Variants in DOCK7 observed in about 807,000 individuals in gnomAD.
The protein encoded by DOCK7 is dedicator of cytokinesis protein 7.
DOCK7 carries 138 observed loss-of-function variants against 271.0 expected under a neutral mutation model. The observed-to-expected ratio is 0.51, with a 90% CI of 0.44 to 0.59. The LOEUF (loss-of-function observed/expected upper bound fraction) is 0.59, where lower values mean the gene tolerates loss of function less well. Among genes scored for constraint, DOCK7 ranks in the 20% least tolerant of loss-of-function variants. The probability of loss-of-function intolerance (pLI) is 0.00; values close to 1 mark genes in which losing one functional copy is unlikely to be tolerated. For synonymous variants in DOCK7, 823 were observed against 876.1 expected (o/e 0.94, Z 1.07); for missense variants, 2,066 against 2,592.4 (o/e 0.80, Z 4.41).
intron 14 of DOCK7, among the ~76,000 whole-genome samples, chr1:62,594,333 T>C (rs1648901370): frequency 6.7e-6 from 1 of 149,408 alleles, no homozygotes; most frequent in East Asian, 1.9e-4. Context: ...CAAATTACTT[T>C]AATTATAATC....
chr1:62,686,157 CTTTTTTTTTTT>C (rs1161312915), intron 1 of DOCK7, among the ~76,000 whole-genome samples: 454 of 4,208 alleles, frequency 0.11, 207 homozygotes, highest in African/African-American at 0.11. Flanking sequence ...CAAGTAATAA[CTTTTTTTTTTT>C]TTTTTTTTTT....
At chr1:62,626,320 A>C (rs1291637373) in intron 11 of DOCK7, among the ~76,000 whole-genome samples, 1 of 152,114 alleles carries the variant, frequency 6.6e-6, no homozygotes, top group African/African-American at 2.4e-5. Flanking sequence ...AACAAACTAC[A>C]AACTACAAAA....
Position 62,513,841 on chromosome 1 carries a change from G to C in DOCK7, c.3994C>G (p.Leu1332Val), listed in dbSNP as rs71643636. ...TCTGCATTTTTGAGAACCCAAAGTAGACAGATCAAAAGGCTTCGACTTGAT... is the reference window on the plus strand; with the variant it reads ...TCTGCATTTTTGAGAACCCAAAGTACACAGATCAAAAGGCTTCGACTTGAT... ...AESSRSLLICLLWVLKNADET... is the reference protein window; with the variant it reads ...AESSRSLLICVLWVLKNADET... The change falls in exon 32 of 50, where the codon CTA (leucine) becomes GTA (valine). Residue 1332 changes from leucine (L) to valine (V), a missense_variant. Leu to Val is a conservative substitution (Grantham distance 32, BLOSUM62 1). This residue lies in a region of DOCK7 where 1,414 missense variants were observed against 1,670.4 expected (regional missense o/e 0.85). Transcript: ENST00000635253. 6.2e-7 allele frequency: 1 copy of C among 1,614,082 alleles called. No individual in the cohort carries two copies. The highest frequency in any genetic ancestry group is 1.6e-4 in the Middle Eastern group (1 of 6,062).
chr1:62,535,665 C>A, intron 28 of DOCK7, 33 bp from the exon 29 acceptor site: 1 of 1,602,292 alleles, frequency 6.2e-7, no homozygotes, highest in Non-Finnish European at 8.5e-7. Context: ...AAGACTATAA[C>A]AGCAGTGCAA....
At chr1:62,553,621 C>T (rs1377958251) in intron 21 of DOCK7, among the ~76,000 whole-genome samples, 2 of 150,800 alleles carry the variant, frequency 1.3e-5, no homozygotes, top group African/African-American at 2.4e-5. Flanking sequence ...CAATCCTCCT[C>T]TCTTGGCCTC....
At chr1:62,606,094 G>A (rs534688300) in intron 14 of DOCK7, 46 of 151,852 alleles carry the variant, frequency 3.0e-4, no homozygotes, top group African/African-American at 1.1e-3. Context: ...TATGATCTAT[G>A]TGAATCCTAA....
chr1:62,553,348 ATATATATTTTTTTTTTTTT>A (rs1199092245), intron 21 of DOCK7, among the ~76,000 whole-genome samples: 797 of 22,326 alleles, frequency 0.036, 2 homozygotes, highest in Non-Finnish European at 0.043. Flanking sequence ...ATATATATAT[ATATATATTTTTTTTTTTTT>A]TTTTTTTTTT....
Position 62,648,496 on chromosome 1 carries a change from C to A in DOCK7, c.438G>T (p.Gln146His), listed in dbSNP as rs1471015585. Residue 146 changes from glutamine to histidine, a missense_variant, in exon 5 of 50, where the codon CAG (glutamine) becomes CAT (histidine). By Grantham distance (24) the Gln-to-His change is conservative. Transcript: ENST00000635253. ...TGFNPNTLDKQKERQKGLPKQ... is the reference protein window; with the variant it reads ...TGFNPNTLDKHKERQKGLPKQ... ...TTGGCAAACCTTTTTGCCTTTCTTT[C>A]TGTTTATCTAATGTATTGGGATTAA... 1.3e-6 allele frequency: 2 copies of A among 1,499,970 alleles called. No homozygotes were observed. Among genetic ancestry groups the A allele is most frequent in the East Asian group, 2.5e-5 (1 of 40,094 alleles). The allele number at this position is 1,499,970 out of a possible 1,614,324, so 92.9% of individuals were successfully genotyped here.
At chr1:62,583,686 T>C (rs560481566) in intron 15 of DOCK7, among the ~76,000 whole-genome samples, 19 of 152,290 alleles carry the variant, frequency 1.2e-4, no homozygotes, top group Middle Eastern at 3.4e-3. Context: ...ATAAATTATA[T>C]ATGATATCAG....
intron 21 of DOCK7, among the ~76,000 whole-genome samples, chr1:62,553,673 TAAA>T: frequency 6.6e-6 from 1 of 151,778 alleles, no homozygotes; most frequent in Non-Finnish European, 1.5e-5. Flanking sequence ...AGAAAGAAAA[TAAA>T]AACACTCAAG....
At chr1:62,487,177 AG>A (rs1646319016) in intron 43 of DOCK7, 1 of 374,232 alleles carries the variant, frequency 2.7e-6, no homozygotes, top group Non-Finnish European at 4.9e-6. Context: ...GAATCTCATT[AG>A]TGTAACATAT....
chr1:62,687,505 C>T (rs373277402), intron 1 of DOCK7: 1 of 146,918 alleles, frequency 6.8e-6, no homozygotes, highest in African/African-American at 2.5e-5. Flanking sequence ...AACACAGGCG[C>T]ACAGTTAAAT....
At chr1:62,528,391 T>A in intron 30 of DOCK7, 86 bp from the exon 31 acceptor site, 1 of 1,279,518 alleles carries the variant, frequency 7.8e-7, no homozygotes, top group East Asian at 2.6e-5. Context: ...TTTAAAAGAA[T>A]AACTTGTTGA....
At chr1:62,595,234 C>T (rs142078118) in intron 14 of DOCK7, among the ~76,000 whole-genome samples, 2 of 152,168 alleles carry the variant, frequency 1.3e-5, no homozygotes, top group East Asian at 3.9e-4. Flanking sequence ...TAATTTTCAC[C>T]AGTAAAATAC....
At chr1:62,602,971 A>G (rs976551809) in intron 14 of DOCK7, among the ~76,000 whole-genome samples, 3 of 151,718 alleles carry the variant, frequency 2.0e-5, no homozygotes, top group Non-Finnish European at 1.5e-5. Context: ...GCACATACAA[A>G]AATCCATGAA....
At position 62,620,018 on chromosome 1, in the gene DOCK7, G is replaced by T. The variant is rs201449270; in HGVS notation, c.1426-25C>A. The T allele has an allele frequency of 8.5e-5, 134 of 1,582,982 alleles. No homozygotes were observed. The African/African-American group carries it at 1.5e-3, about 18-fold the overall frequency. ...CCTGATTTCAATAATAGAGGAAAAA[G>T]TATTTGATAAAACAAATATAGCCAG... On this transcript the variant is annotated intron_variant, in intron 12 of 49. Transcript: ENST00000635253.
intron 48 of DOCK7, among the ~76,000 whole-genome samples, chr1:62,461,688 A>C (rs1201253724): frequency 1.5e-5 from 2 of 132,242 alleles, no homozygotes; most frequent in East Asian, 4.3e-4. Context: ...AAATAAAATA[A>C]AATAAAATAA....
chr1:62,577,379 A>T lies in DOCK7; in HGVS notation c.2011-16T>A. The T allele has an allele frequency of 1.3e-6, 2 of 1,535,232 alleles. No individual in the cohort carries two copies. Among genetic ancestry groups the T allele is most frequent in the Non-Finnish European group, 1.8e-6 (2 of 1,127,394 alleles). ...TTGGTATCCACTTTTAAATGAAAAG[A>T]AAACAATTTTATTTTAAATATGCTT... On this transcript the variant is annotated splice_polypyrimidine_tract_variant and intron_variant, in intron 17 of 49. Coordinates refer to ENST00000635253, the MANE Select transcript of DOCK7 (RefSeq NM_001367561.1).
At chr1:62,570,125 GATGA>G (rs1646721815) in intron 18 of DOCK7, among the ~76,000 whole-genome samples, 1 of 152,186 alleles carries the variant, frequency 6.6e-6, no homozygotes, top group African/African-American at 2.4e-5. Context: ...TTGGTTTGCA[GATGA>G]CATGATCCTC....
Sources: allele counts gnomAD v4.1 joint callset (sites outside exome capture counted in the v4.1 genomes callset), GRCh38; gene constraint gnomAD v4.1.1; regional missense constraint gnomAD v4.1.1; transcripts MANE v1.5; gene names NCBI Gene and HGNC (gene_info 2026-07-23, HGNC 2026-07-21).